The following PTPRE variants were observed in gnomAD, a reference collection of about 807,000 sequenced individuals.
PTPRE encodes the protein protein tyrosine phosphatase receptor type E, also known as receptor-type tyrosine-protein phosphatase epsilon.
In PTPRE, 51 loss-of-function variants were observed where a neutral mutation model predicts 102.0. The observed-to-expected ratio is 0.50, with a 90% CI of 0.40 to 0.63. The LOEUF (loss-of-function observed/expected upper bound fraction) is 0.63, where lower values mean the gene tolerates loss of function less well. PTPRE is among the 30% of genes least tolerant of loss of function. PTPRE has a pLI of 0.00. For missense variants in PTPRE, 752 were observed against 915.1 expected (o/e 0.82, Z 2.30); for synonymous variants, 345 against 348.2 (o/e 0.99, Z 0.10).
chr10:128,045,516 T>C (rs1204063868), intron 3 of PTPRE, among the ~76,000 whole-genome samples: 1 of 152,146 alleles, frequency 6.6e-6, no homozygotes, highest in Non-Finnish European at 1.5e-5. Context: ...CCTGGGTACA[T>C]TCGAGAGGGA....
chr10:128,005,425 T>A (rs941577952), intron 2 of PTPRE, among the ~76,000 whole-genome samples: 1 of 152,244 alleles, frequency 6.6e-6, no homozygotes, highest in Non-Finnish European at 1.5e-5. Context: ...GAACAGGCTC[T>A]AACCCAAGAG....
rs899102592 is a variant in PTPRE, at chr10:127,952,653, C to T, written c.-30-29621C>T. 4.6e-5 allele frequency among the ~76,000 whole-genome samples: 7 copies of T among 151,910 alleles called. 1 individual carries two copies. The highest frequency in any genetic ancestry group is 1.2e-4 in the African/African-American group (5 of 41,326). ...CCATAGTACTCAGCCTATAGGGAAC[C>T]GGGGGAGGGACCTACACACTAGGGG... On this transcript the variant is annotated intron_variant, in intron 1 of 20. Transcript: ENST00000254667.
intron 3 of PTPRE, among the ~76,000 whole-genome samples, chr10:128,043,040 G>A (rs1040432691): frequency 6.6e-6 from 1 of 152,132 alleles, no homozygotes; most frequent in Non-Finnish European, 1.5e-5. Flanking sequence ...TCCCAGAGAA[G>A]AGAAACTGGC....
rs2298199 is a variant in PTPRE at position 128,065,797 on chromosome 10, T to C, written c.724-278T>C. ...ACTGGTTGATGGTCAGTTAATAAAA[T>C]GTATGGGATTCGTGAATGAATGAAG... is the stretch of plus-strand genomic sequence containing the variant. On this transcript the variant is annotated intron_variant, in intron 10 of 20. Transcript: ENST00000254667. 6.0e-4 allele frequency among the ~76,000 whole-genome samples: 92 copies of C among 152,300 alleles called. No individual in the cohort carries two copies. In the East Asian group the frequency reaches 0.017, roughly 28 times the overall value.
chr10:128,062,085 C>T (rs1484557656), intron 9 of PTPRE, among the ~76,000 whole-genome samples: 1 of 152,230 alleles, frequency 6.6e-6, no homozygotes, highest in Non-Finnish European at 1.5e-5. Context: ...TAAGAATATA[C>T]TTCAGCTGTG....
rs112385155 is a variant in PTPRE at position 128,083,271 on chromosome 10, C to G, written c.*365C>G. The G allele has an allele frequency of 0.011, 1,679 of 154,668 alleles. 23 individuals carry two copies. Among genetic ancestry groups the G allele is most frequent in the African/African-American group, 0.041 (1,598 of 38,550 alleles). The allele number at this position is 154,668 out of a possible 1,614,324, so 9.6% of individuals were successfully genotyped here. Reference sequence around the variant, plus strand: ...TAACACAAAGCTCATGTTAAGAAAACAGTTGAGGACTCAGAAGTCAGTTCG... The same window carrying G: ...TAACACAAAGCTCATGTTAAGAAAAGAGTTGAGGACTCAGAAGTCAGTTCG... On this transcript the variant is annotated 3_prime_UTR_variant, in exon 21 of 21. Transcript: ENST00000254667.
Position 128,047,773 on chromosome 10 carries a change from G to A in PTPRE, c.219G>A (p.Lys73=). ...ATCCTGTGTCTCTAAGGTTCAGGAA[G>A]CAGAGGAAAGCTGTGGTCAGCACCA... ...LLAAYFFRFR[K]QRKAVVSTSD... Residue 73 remains lysine, a synonymous_variant, in exon 5 of 21, where the codon AAG becomes AAA. Coordinates refer to ENST00000254667, the MANE Select transcript of PTPRE (RefSeq NM_006504.6). The A allele has an allele frequency of 1.2e-6, 2 of 1,609,766 alleles. No homozygotes were observed. Among genetic ancestry groups the A allele is most frequent in the South Asian group, 1.1e-5 (1 of 90,986 alleles).
chr10:128,012,685 G>C (rs1332420658), intron 2 of PTPRE, among the ~76,000 whole-genome samples: 1 of 152,148 alleles, frequency 6.6e-6, no homozygotes, highest in Non-Finnish European at 1.5e-5. Flanking sequence ...GCTAGCTCTG[G>C]TGGCATATTC....
intron 2 of PTPRE, among the ~76,000 whole-genome samples, chr10:128,021,730 C>T (rs1202093698): frequency 1.3e-5 from 2 of 152,244 alleles, no homozygotes; most frequent in Non-Finnish European, 2.9e-5. Context: ...CTCACCACAG[C>T]AGGTCACGGG....
At chr10:127,914,601 C>T (rs1846084012) in intron 1 of PTPRE, among the ~76,000 whole-genome samples, 1 of 152,210 alleles carries the variant, frequency 6.6e-6, no homozygotes. Flanking sequence ...AGCTTGTTTT[C>T]TTGATTCCAG....
chr10:128,078,042 C>T (rs569036456), intron 19 of PTPRE, among the ~76,000 whole-genome samples: 45 of 152,364 alleles, frequency 3.0e-4, no homozygotes, highest in African/African-American at 1.1e-3. Context: ...TGGGAAACCA[C>T]TCAAACACAC....
chr10:127,935,612 C>T (rs1009114340), intron 1 of PTPRE, among the ~76,000 whole-genome samples: 4 of 152,120 alleles, frequency 2.6e-5, no homozygotes, highest in Non-Finnish European at 5.9e-5. Flanking sequence ...TGTCTCCACC[C>T]GAGGGCACGT....
At chr10:127,941,777 A>G (rs774578550) in intron 1 of PTPRE, among the ~76,000 whole-genome samples, 33 of 151,856 alleles carry the variant, frequency 2.2e-4, no homozygotes, top group Admixed American at 3.9e-4. Context: ...ATCTCACTAA[A>G]GCTCCCACTG....
intron 7 of PTPRE, among the ~76,000 whole-genome samples, chr10:128,057,355 G>A (rs1300527001): frequency 6.6e-6 from 1 of 152,228 alleles, no homozygotes; most frequent in Non-Finnish European, 1.5e-5. Context: ...ACTAAGTTCA[G>A]GTTTAAATCC....
intron 3 of PTPRE, among the ~76,000 whole-genome samples, chr10:128,045,943 C>A (rs376460949): frequency 6.6e-6 from 1 of 152,186 alleles, no homozygotes; most frequent in African/African-American, 2.4e-5. Context: ...GGGGGAGGCA[C>A]GGACCCCACC....
intron 2 of PTPRE, 115 bp from the exon 3 acceptor site, chr10:128,040,760 C>A: frequency 1.4e-6 from 1 of 738,624 alleles, no homozygotes; most frequent in South Asian, 1.7e-5. Flanking sequence ...AAGTTCTTGG[C>A]TCAGAGAAAG....
At chr10:128,047,357 T>C in intron 3 of PTPRE, 33 bp from the exon 4 acceptor site, 1 of 1,607,098 alleles carries the variant, frequency 6.2e-7, no homozygotes, top group Non-Finnish European at 8.5e-7. Flanking sequence ...TGAAGTGAGG[T>C]CAGGGGTTAG....
intron 1 of PTPRE, among the ~76,000 whole-genome samples, chr10:127,916,210 A>C (rs183098653): frequency 6.6e-6 from 1 of 152,152 alleles, no homozygotes; most frequent in African/African-American, 2.4e-5. Flanking sequence ...CCAAATAGTA[A>C]TCCCCACATG....
intron 2 of PTPRE, among the ~76,000 whole-genome samples, chr10:128,038,318 A>G (rs1847398330): frequency 6.6e-6 from 1 of 152,234 alleles, no homozygotes; most frequent in Admixed American, 6.5e-5. Context: ...TATATACCCA[A>G]AGGATTATAA....
Sources: gnomAD v4.1 joint callset for allele counts (sites outside exome capture counted in the v4.1 genomes callset) on GRCh38, gnomAD v4.1.1 for gene constraint, MANE v1.5 for transcripts, NCBI Gene and HGNC (gene_info 2026-07-23, HGNC 2026-07-21) for gene names.